XYLT1: variants seen among roughly 807,000 people sequenced by gnomAD.
The protein encoded by XYLT1 is beta-D-xylosyltransferase 1.
A neutral mutation model predicts 91.3 loss-of-function variants in XYLT1; 36 were observed. That is an observed-to-expected ratio of 0.39 (90% CI 0.30 to 0.52). The LOEUF (loss-of-function observed/expected upper bound fraction) is 0.52, where lower values mean the gene tolerates loss of function less well. XYLT1 is among the 20% of genes least tolerant of loss of function. XYLT1 has a pLI of 0.68. For missense variants in XYLT1, 1,242 were observed against 1,284.5 expected, an observed-to-expected ratio of 0.97 and a Z score of 0.51; for synonymous variants, 588 against 532.0, an observed-to-expected ratio of 1.11 and a Z score of -1.45.
intron 8 of XYLT1, among the ~76,000 whole-genome samples, chr16:17,137,175 G>A (rs1049907574): frequency 3.9e-5 from 6 of 152,044 alleles, no homozygotes; most frequent in Admixed American, 3.9e-4. Flanking sequence ...CATTCATACA[G>A]GCACAAAAAC....
chr16:17,158,425 C>T (rs930641242), intron 6 of XYLT1, among the ~76,000 whole-genome samples: 5 of 152,202 alleles, frequency 3.3e-5, no homozygotes, highest in Non-Finnish European at 7.3e-5. Context: ...AACTGGCACA[C>T]GCCCATGCTT....
chr16:17,238,846 CT>C (rs2033290710), intron 3 of XYLT1, among the ~76,000 whole-genome samples: 1 of 152,228 alleles, frequency 6.6e-6, no homozygotes, highest in Non-Finnish European at 1.5e-5. Flanking sequence ...CTTCTATCAA[CT>C]TTTCCAAATA....
At chr16:17,358,598 AG>A (rs2035338022) in intron 1 of XYLT1, among the ~76,000 whole-genome samples, 1 of 152,158 alleles carries the variant, frequency 6.6e-6, no homozygotes. Context: ...GTGATGAAAG[AG>A]GCTCAAGTTT....
chr16:17,140,658 C>CAAAAAAAAAAAAAAAAAAAAA (rs71137974), intron 7 of XYLT1, among the ~76,000 whole-genome samples: 2 of 68,004 alleles, frequency 2.9e-5, no homozygotes, highest in African/African-American at 5.9e-5. Flanking sequence ...AAGACTGTCT[C>CAAAAAAAAAAAAAAAAAAAAA]AAAAAAAAAA....
chr16:17,376,166 C>T (rs531961118), intron 1 of XYLT1, among the ~76,000 whole-genome samples: 150 of 152,292 alleles, frequency 9.8e-4, no homozygotes, highest in African/African-American at 3.6e-3. Flanking sequence ...TGGTTTTGTC[C>T]CCCAGGGAAC....
At chr16:17,131,830 C>T (rs768589833) in intron 9 of XYLT1, among the ~76,000 whole-genome samples, 5 of 152,220 alleles carry the variant, frequency 3.3e-5, no homozygotes, top group Admixed American at 6.5e-5. Context: ...TGCCCCGGGG[C>T]TAGGAATCCA....
At chr16:17,178,093 G>T (rs529746309) in intron 5 of XYLT1, among the ~76,000 whole-genome samples, 1 of 149,850 alleles carries the variant, frequency 6.7e-6, no homozygotes, top group Non-Finnish European at 1.5e-5. Context: ...TAAGAAAACC[G>T]GTATGCTCTG....
rs565343303 is a variant in XYLT1 at position 17,445,429 on chromosome 16, C to T, written c.363+25005G>A. Among the ~76,000 whole-genome samples the T allele has an allele frequency of 1.1e-4, 17 of 152,334 alleles. No individual in the cohort carries two copies. The South Asian group carries it at 2.3e-3, about 20-fold the overall frequency. ...AAAGAGGTGACCACATAGAGTGAGT[C>T]GGCTGGAGGCCACTCTTCTGCCCAA... is the stretch of plus-strand genomic sequence containing the variant. On this transcript the variant is annotated intron_variant, in intron 1 of 11. Coordinates refer to ENST00000261381, the MANE Select transcript of XYLT1 (RefSeq NM_022166.4).
chr16:17,189,939 G>C (rs8047107), intron 5 of XYLT1, among the ~76,000 whole-genome samples: 57,712 of 152,002 alleles, frequency 0.38, 12,097 homozygotes, highest in African/African-American at 0.53. Context: ...ACAGCTACCT[G>C]GGAGGCAGAG....
intron 11 of XYLT1, among the ~76,000 whole-genome samples, chr16:17,110,105 G>A (rs1212124897): frequency 6.6e-6 from 1 of 152,162 alleles, no homozygotes; most frequent in African/African-American, 2.4e-5. Flanking sequence ...AACATACCAG[G>A]TGTGTGACTT....
intron 1 of XYLT1, among the ~76,000 whole-genome samples, chr16:17,444,271 C>T (rs916326891): frequency 6.6e-6 from 1 of 152,138 alleles, no homozygotes; most frequent in Admixed American, 6.5e-5. Flanking sequence ...TAAACTAATC[C>T]TATTTATATG....
chr16:17,132,187 T>G (rs2030508458), intron 9 of XYLT1, among the ~76,000 whole-genome samples: 1 of 152,226 alleles, frequency 6.6e-6, no homozygotes, highest in Non-Finnish European at 1.5e-5. Context: ...TGGGGATACA[T>G]GCAGGGATTC....
rs1301098482 is a variant in XYLT1 at position 17,306,974 on chromosome 16, CTG to C, written c.403-47478_403-47477del. 2.6e-5 allele frequency among the ~76,000 whole-genome samples: 4 copies of C among 151,978 alleles called. No homozygotes were observed. The East Asian group carries it at 7.8e-4, about 30-fold the overall frequency. ...AAGCCTGAACTTGGGAGTGTAGTCTCTGTAGAGGTGCACGTACTGGCGGTTAC... is the reference window on the plus strand; with the variant it reads ...AAGCCTGAACTTGGGAGTGTAGTCTCTAGAGGTGCACGTACTGGCGGTTAC... On this transcript the variant is annotated intron_variant, in intron 2 of 11. Transcript: ENST00000261381.
chr16:17,228,578 C>CGAGGCTTGTGATTGGAG (rs971431766), intron 3 of XYLT1, among the ~76,000 whole-genome samples: 3 of 152,004 alleles, frequency 2.0e-5, no homozygotes, highest in African/African-American at 4.8e-5. Context: ...TCCTCATCAG[C>CGAGGCTTGTGATTGGAG]GAGGCTTGTG....
chr16:17,459,588 A>G (rs1440576171), intron 1 of XYLT1, among the ~76,000 whole-genome samples: 1 of 152,198 alleles, frequency 6.6e-6, no homozygotes, highest in Non-Finnish European at 1.5e-5. Context: ...CCCCTGAATA[A>G]GTAAAATAAA....
chr16:17,181,258 C>T (rs754764001), intron 5 of XYLT1, among the ~76,000 whole-genome samples: 1 of 152,142 alleles, frequency 6.6e-6, no homozygotes, highest in Non-Finnish European at 1.5e-5. Flanking sequence ...AAGGCAACTA[C>T]CTTCCTCACT....
At chr16:17,455,857 C>G (rs2141954695) in intron 1 of XYLT1, among the ~76,000 whole-genome samples, 1 of 152,346 alleles carries the variant, frequency 6.6e-6, no homozygotes, top group South Asian at 2.1e-4. Flanking sequence ...CAACCTACAG[C>G]AAAACCTGCG....
chr16:17,168,400 C>T (rs372957454), intron 5 of XYLT1, among the ~76,000 whole-genome samples: 63 of 152,144 alleles, frequency 4.1e-4, no homozygotes, highest in African/African-American at 1.5e-3. Flanking sequence ...TGGGTTCTCA[C>T]GGACATGAAA....
At chr16:17,238,980 A>G (rs1242751566) in intron 3 of XYLT1, among the ~76,000 whole-genome samples, 1 of 152,214 alleles carries the variant, frequency 6.6e-6, no homozygotes, top group African/African-American at 2.4e-5. Flanking sequence ...AGCAACACCA[A>G]TCAGGTCCTC....
Sources: allele counts gnomAD v4.1 joint callset (sites outside exome capture counted in the v4.1 genomes callset), GRCh38; gene constraint gnomAD v4.1.1; transcripts MANE v1.5; gene names NCBI Gene and HGNC (gene_info 2026-07-23, HGNC 2026-07-21).